RBFOX1: variants seen among roughly 807,000 people sequenced by gnomAD.
RBFOX1 encodes the protein RNA binding protein fox-1 homolog 1.
RBFOX1 carries 8 observed loss-of-function variants against 57.7 expected under a neutral mutation model. The ratio of observed to expected loss-of-function variants is 0.14; its 90% CI spans 0.08 to 0.25. The LOEUF is 0.25. Among genes scored for constraint, RBFOX1 ranks in the 10% least tolerant of loss-of-function variants. The pLI is 1.00. For missense variants in RBFOX1, 611 were observed against 548.5 expected (o/e 1.11, Z -1.14); for synonymous variants, 326 against 222.4 (o/e 1.47, Z -4.15).
chr16:6,628,903 G>A (rs377372136), intron 2 of RBFOX1, among the ~76,000 whole-genome samples: 4 of 152,098 alleles, frequency 2.6e-5, no homozygotes, highest in Non-Finnish European at 4.4e-5. Context: ...GGTGGCATGC[G>A]TCTGTAGTCC....
chr16:6,510,680 A>T (rs570785831), intron 2 of RBFOX1, among the ~76,000 whole-genome samples: 2 of 152,108 alleles, frequency 1.3e-5, no homozygotes, highest in African/African-American at 4.8e-5. Context: ...TGGTTACTCT[A>T]CTGGGCAATG....
intron 4 of RBFOX1, among the ~76,000 whole-genome samples, chr16:7,344,187 G>T (rs1373637574): frequency 2.1e-5 from 3 of 141,108 alleles, no homozygotes; most frequent in Admixed American, 7.6e-5. Context: ...TATTAAAAGT[G>T]CCTAAATTCA....
In RBFOX1 at chr16:7,266,880, G is replaced by C. The variant is rs1252541360; in HGVS notation, c.27+214782G>C. Among the ~76,000 whole-genome samples, 5 of 152,136 alleles carry C rather than the reference G, an allele frequency of 3.3e-5. No individual in the cohort carries two copies. In the East Asian group the frequency reaches 5.8e-4, roughly 18 times the overall value. Reference sequence around the variant, plus strand: ...CTGTTTGAGCAGGTGACTTAGGACTGGGGGTGAGTGGTGTGGAAGCACTCC... The same window carrying C: ...CTGTTTGAGCAGGTGACTTAGGACTCGGGGTGAGTGGTGTGGAAGCACTCC... On this transcript the variant is annotated intron_variant, in intron 4 of 15. Transcript: ENST00000550418.
chr16:6,594,451 A>G (rs79360027), intron 2 of RBFOX1, among the ~76,000 whole-genome samples: 12,358 of 152,204 alleles, frequency 0.081, 977 homozygotes, highest in East Asian at 0.44. Flanking sequence ...GGTCTGTGGC[A>G]AACTCGGCAA....
intron 4 of RBFOX1, among the ~76,000 whole-genome samples, chr16:5,909,330 C>G (rs945806145): frequency 1.3e-5 from 2 of 152,030 alleles, no homozygotes; most frequent in African/African-American, 4.8e-5. Context: ...TGGACCTCAT[C>G]ATCCGCATGC....
At chr16:7,000,378 C>T (rs569751256) in intron 3 of RBFOX1, among the ~76,000 whole-genome samples, 2 of 152,188 alleles carry the variant, frequency 1.3e-5, no homozygotes, top group Admixed American at 6.5e-5. Flanking sequence ...ACTGGTACCA[C>T]CTCCAACTCA....
chr16:6,698,138 G>C (rs79161571), intron 3 of RBFOX1, among the ~76,000 whole-genome samples: 8,012 of 152,254 alleles, frequency 0.053, 317 homozygotes, highest in Non-Finnish European at 0.078. Flanking sequence ...TTAAGAGCTA[G>C]AAACCAGAAA....
At position 6,483,358 on chromosome 16, in the gene RBFOX1, G is replaced by A. The variant is rs2095405755; in HGVS notation, c.-64+166301G>A. On this transcript the variant is annotated intron_variant, in intron 2 of 15. Coordinates refer to ENST00000550418, the MANE Select transcript of RBFOX1 (RefSeq NM_018723.4). ...CTGGCGGTCGTGCCAGGCAGCCCGG[G>A]CGAGCGAAGGCGCGCGGCGCGCACG... The A allele has an allele frequency of 4.0e-6, 6 of 1,497,960 alleles. No homozygotes were observed. The Admixed American group carries it at 1.0e-4, about 25-fold the overall frequency. 92.8% of individuals were successfully genotyped at this position (1,497,960 alleles called of 1,614,324 possible).
rs2051368416 is a variant in RBFOX1, at chr16:5,709,363, G to T, written c.318+110402G>T. Among the ~76,000 whole-genome samples, 4 of 152,164 alleles carry T rather than the reference G, an allele frequency of 2.6e-5. No individual in the cohort carries two copies. In the South Asian group the frequency reaches 8.3e-4, roughly 32 times the overall value. On this transcript the variant is annotated intron_variant, in intron 3 of 19. Coordinates refer to the RBFOX1 transcript ENST00000641259. ...TCTGTTCTTTGATCAGTGAGCATGT[G>T]CCTGAATATGACCTAATTGAAATGA...
At chr16:6,602,087 C>T (rs1055961656) in intron 2 of RBFOX1, among the ~76,000 whole-genome samples, 2 of 152,084 alleles carry the variant, frequency 1.3e-5, no homozygotes, top group East Asian at 3.9e-4. Context: ...CATTTATTCC[C>T]TAAGTTGTTT....
chr16:5,329,309 C>T (rs2064678331), intron 1 of RBFOX1, among the ~76,000 whole-genome samples: 2 of 152,148 alleles, frequency 1.3e-5, no homozygotes, highest in South Asian at 2.1e-4. Flanking sequence ...AACTTACAGT[C>T]ATGGTGGAAG....
intron 1 of RBFOX1, among the ~76,000 whole-genome samples, chr16:6,287,167 C>T (rs2076984124): frequency 6.6e-6 from 1 of 152,136 alleles, no homozygotes; most frequent in Admixed American, 6.5e-5. Context: ...CAAAAAACTC[C>T]ATTTGAATGC....
intron 3 of RBFOX1, among the ~76,000 whole-genome samples, chr16:6,708,963 A>C (rs1383420173): frequency 6.7e-6 from 1 of 150,308 alleles, no homozygotes; most frequent in South Asian, 2.1e-4. Flanking sequence ...GTGGCTGGTT[A>C]ATTTCAGCAA....
At chr16:7,272,691 C>A (rs1487569906) in intron 4 of RBFOX1, among the ~76,000 whole-genome samples, 2 of 152,030 alleles carry the variant, frequency 1.3e-5, no homozygotes, top group Non-Finnish European at 2.9e-5. Context: ...AGGAGGGAAA[C>A]AAGGGAGAGG....
intron 3 of RBFOX1, among the ~76,000 whole-genome samples, chr16:6,682,546 C>T (rs892710894): frequency 2.6e-5 from 4 of 152,004 alleles, no homozygotes; most frequent in Non-Finnish European, 5.9e-5. Context: ...CAAACTGGAC[C>T]GGTGCATGCT....
In RBFOX1 at chr16:6,483,103, C is replaced by T. The variant is rs1207085432; in HGVS notation, c.-64+166046C>T. 5.9e-6 allele frequency: 6 copies of T among 1,013,904 alleles called. No individual in the cohort carries two copies. In the African/African-American group the frequency reaches 1.0e-4, roughly 18 times the overall value. 62.8% of individuals were successfully genotyped at this position (1,013,904 alleles called of 1,614,324 possible). Reference sequence around the variant, plus strand: ...GCCTCCGACCCGTAGGGGCGGGACCCACGCAGCCCCAGTATCCACTGCCTT... The same window carrying T: ...GCCTCCGACCCGTAGGGGCGGGACCTACGCAGCCCCAGTATCCACTGCCTT... On this transcript the variant is annotated intron_variant, in intron 2 of 15. Coordinates refer to ENST00000550418, the MANE Select transcript of RBFOX1 (RefSeq NM_018723.4).
At chr16:5,345,589 T>A (rs1315373983) in intron 1 of RBFOX1, among the ~76,000 whole-genome samples, 1 of 152,206 alleles carries the variant, frequency 6.6e-6, no homozygotes, top group Non-Finnish European at 1.5e-5. Context: ...TGTGAAACAG[T>A]AGAAGCAAGA....
At chr16:6,950,390 C>G (rs915512001) in intron 3 of RBFOX1, among the ~76,000 whole-genome samples, 1 of 152,016 alleles carries the variant, frequency 6.6e-6, no homozygotes, top group African/African-American at 2.4e-5. Context: ...CCACCACCCA[C>G]TACCCACTAC....
chr16:6,834,935 C>G (rs1041948722), intron 3 of RBFOX1, among the ~76,000 whole-genome samples: 3 of 147,568 alleles, frequency 2.0e-5, no homozygotes, highest in Non-Finnish European at 1.5e-5. Context: ...CTCTGTTGCC[C>G]AGGCTGGAGT....
Sources: gnomAD v4.1 joint callset for allele counts (sites outside exome capture counted in the v4.1 genomes callset) on GRCh38, gnomAD v4.1.1 for gene constraint, MANE v1.5 for transcripts, NCBI Gene and HGNC (gene_info 2026-07-23, HGNC 2026-07-21) for gene names.